MEIKIN: variants seen among roughly 807,000 people sequenced by gnomAD.
MEIKIN encodes meiotic kinetochore factor.
intron 8 of MEIKIN, among the ~76,000 whole-genome samples, chr5:131,881,305 G>T (rs1750700163): frequency 1.3e-5 from 2 of 152,036 alleles, no homozygotes; most frequent in South Asian, 2.1e-4. Context: ...TGTCATAGCT[G>T]GTATCATTCC....
Position 131,933,649 on chromosome 5 carries a change from A to G in MEIKIN, c.350-8T>C, listed in dbSNP as rs535711008. 1 of 398,586 alleles carries G rather than the reference A, an allele frequency of 2.5e-6. No individual in the cohort carries two copies. Among genetic ancestry groups the G allele is most frequent in the Non-Finnish European group, 4.4e-6 (1 of 225,806 alleles). 24.7% of individuals were successfully genotyped at this position (398,586 alleles called of 1,614,324 possible). On this transcript the variant is annotated splice_region_variant and splice_polypyrimidine_tract_variant and intron_variant, in intron 4 of 12. Transcript: ENST00000442687. ...CATGGTGCAAACTTAATCCTGTAGA[A>G]TAAAGGAAAAAAAAATTGATAAATC... is the stretch of plus-strand genomic sequence containing the variant.
chr5:131,908,966 G>A (rs549143689), intron 8 of MEIKIN, among the ~76,000 whole-genome samples: 6 of 152,266 alleles, frequency 3.9e-5, no homozygotes, highest in African/African-American at 1.2e-4. Flanking sequence ...TTCATGGACT[G>A]AAAGAATCAA....
At chr5:131,929,959 T>C (rs1323100923) in intron 5 of MEIKIN, among the ~76,000 whole-genome samples, 4 of 152,226 alleles carry the variant, frequency 2.6e-5, no homozygotes, top group Non-Finnish European at 5.9e-5. Flanking sequence ...TGATTCCACG[T>C]CTCTGCTATT....
intron 11 of MEIKIN, among the ~76,000 whole-genome samples, chr5:131,820,022 G>A (rs1392872503): frequency 2.7e-5 from 4 of 145,738 alleles, no homozygotes; most frequent in African/African-American, 5.1e-5. Flanking sequence ...TGATCCGCCC[G>A]CCTCGGCCTC....
chr5:131,942,608 G>C (rs558931721), intron 4 of MEIKIN, 27 bp downstream of exon 4: 2 of 398,310 alleles, frequency 5.0e-6, no homozygotes, highest in East Asian at 7.2e-5. Flanking sequence ...ACAGAAAGCT[G>C]AGGGAGTTCA....
chr5:131,820,586 G>C (rs1749481450), intron 11 of MEIKIN, among the ~76,000 whole-genome samples: 1 of 152,140 alleles, frequency 6.6e-6, no homozygotes, highest in African/African-American at 2.4e-5. Context: ...AGAACAGTTT[G>C]AGTAGGATTG....
intron 3 of MEIKIN, among the ~76,000 whole-genome samples, chr5:131,943,900 T>C (rs1751916992): frequency 6.6e-6 from 1 of 152,056 alleles, no homozygotes; most frequent in Non-Finnish European, 1.5e-5. Flanking sequence ...AGCAGATCAC[T>C]TGAGGTCAGG....
chr5:131,841,214 G>T (rs1749902419), intron 11 of MEIKIN, among the ~76,000 whole-genome samples: 1 of 152,164 alleles, frequency 6.6e-6, no homozygotes, highest in South Asian at 2.1e-4. Flanking sequence ...GGAACTTACT[G>T]CACTGGGTGA....
chr5:131,849,940 A>C (rs1270708542), intron 11 of MEIKIN, among the ~76,000 whole-genome samples: 1 of 152,132 alleles, frequency 6.6e-6, no homozygotes, highest in South Asian at 2.1e-4. Context: ...GATTGAATTA[A>C]AAATTATTAG....
At chr5:131,854,902 C>G (rs999728427) in intron 9 of MEIKIN, 68 bp from the exon 10 acceptor site, 3 of 392,658 alleles carry the variant, frequency 7.6e-6, no homozygotes, top group African/African-American at 6.2e-5. Flanking sequence ...TATAGTAAAA[C>G]TACAATTTCA....
intron 5 of MEIKIN, among the ~76,000 whole-genome samples, chr5:131,929,356 T>C (rs1478132185): frequency 6.6e-6 from 1 of 152,188 alleles, no homozygotes; most frequent in East Asian, 1.9e-4. Context: ...TTTGGGATGA[T>C]TTTAGCCACT....
At chr5:131,827,072 A>G (rs773330195) in intron 11 of MEIKIN, among the ~76,000 whole-genome samples, 15 of 152,000 alleles carry the variant, frequency 9.9e-5, no homozygotes, top group Non-Finnish European at 2.9e-5. Context: ...GCAGCCTCAA[A>G]CTCCTGGGGT....
chr5:131,841,734 T>C (rs895944464), intron 11 of MEIKIN, among the ~76,000 whole-genome samples: 105 of 152,364 alleles, frequency 6.9e-4, no homozygotes, highest in African/African-American at 2.2e-3. Flanking sequence ...GGTATATCAT[T>C]ACATTTATTT....
At chr5:131,889,124 T>C (rs1371360625) in intron 8 of MEIKIN, among the ~76,000 whole-genome samples, 1 of 152,204 alleles carries the variant, frequency 6.6e-6, no homozygotes, top group Non-Finnish European at 1.5e-5. Context: ...CCTTGTAGTA[T>C]AGTTTGGAGT....
chr5:131,868,033 T>G (rs1162371769), intron 9 of MEIKIN, among the ~76,000 whole-genome samples: 1 of 152,188 alleles, frequency 6.6e-6, no homozygotes. Context: ...GCATTTGGTG[T>G]TGTCAGTGTT....
At chr5:131,892,364 A>AG (rs1310097455) in intron 8 of MEIKIN, among the ~76,000 whole-genome samples, 32 of 152,106 alleles carry the variant, frequency 2.1e-4, no homozygotes, top group East Asian at 5.8e-4. Context: ...AATCAGACGT[A>AG]ATTTGGTCTT....
At chr5:131,863,556 C>CTTTTTTTTTTTTTT (rs1750325066) in intron 9 of MEIKIN, among the ~76,000 whole-genome samples, 1 of 42,000 alleles carries the variant, frequency 2.4e-5, no homozygotes, top group African/African-American at 1.2e-4. Context: ...CCTTCTTTGT[C>CTTTTTTTTTTTTTT]CTTTTTTTTT....
intron 11 of MEIKIN, among the ~76,000 whole-genome samples, chr5:131,833,571 C>A (rs992395058): frequency 1.3e-5 from 2 of 152,150 alleles, no homozygotes; most frequent in African/African-American, 4.8e-5. Context: ...GCCTCAGAAT[C>A]ATAACAGGAG....
chr5:131,835,716 C>T (rs1057077377), intron 11 of MEIKIN, among the ~76,000 whole-genome samples: 3 of 152,182 alleles, frequency 2.0e-5, no homozygotes, highest in Non-Finnish European at 2.9e-5. Flanking sequence ...GCCTCAGCCT[C>T]CTGAGTAGCT....
Sources: allele counts gnomAD v4.1 joint callset (sites outside exome capture counted in the v4.1 genomes callset), GRCh38; gene constraint gnomAD v4.1.1; transcripts MANE v1.5; gene names NCBI Gene and HGNC (gene_info 2026-07-23, HGNC 2026-07-21).